The following KANSL1 variants were observed in gnomAD, a reference collection of about 807,000 sequenced individuals.
The protein encoded by KANSL1 is KAT8 regulatory NSL complex subunit 1, also known as MLL1/MLL complex subunit KANSL1.
A neutral mutation model predicts 103.6 loss-of-function variants in KANSL1; 22 were observed. That is an observed-to-expected ratio of 0.21 (90% confidence interval 0.15 to 0.30). The LOEUF (loss-of-function observed/expected upper bound fraction) is 0.30, where lower values mean the gene tolerates loss of function less well. Ranked by LOEUF, KANSL1 falls within the 10% of genes least tolerant of loss-of-function variation. The pLI, the probability that KANSL1 is intolerant of heterozygous loss-of-function variation, is 1.00. For synonymous variants in KANSL1, 600 were observed against 527.6 expected, an observed-to-expected ratio of 1.14 and a Z score of -1.88; for missense variants, 1,337 against 1,399.8, an observed-to-expected ratio of 0.96 and a Z score of 0.72.
chr17:46,080,976 C>T (rs191270949), intron 4 of KANSL1, among the ~76,000 whole-genome samples: 47 of 152,216 alleles, frequency 3.1e-4, no homozygotes, highest in Admixed American at 1.3e-3. Context: ...AATACACACA[C>T]AGGAATCTTA....
chr17:46,137,354 A>G (rs1462068933), intron 2 of KANSL1, among the ~76,000 whole-genome samples: 1 of 152,208 alleles, frequency 6.6e-6, no homozygotes, highest in Non-Finnish European at 1.5e-5. Flanking sequence ...AGCTATTACT[A>G]CTTTTAGAGT....
intron 2 of KANSL1, among the ~76,000 whole-genome samples, chr17:46,122,849 A>G (rs2043343670): frequency 6.6e-6 from 1 of 152,238 alleles, no homozygotes; most frequent in Admixed American, 6.5e-5. Flanking sequence ...GGAAAACTTA[A>G]CTGATAAAAA....
At chr17:46,087,318 G>GT (rs1421395398) in intron 3 of KANSL1, among the ~76,000 whole-genome samples, 3 of 152,156 alleles carry the variant, frequency 2.0e-5, no homozygotes, top group South Asian at 2.1e-4. Flanking sequence ...CCCAAGATAT[G>GT]TAAGTTCACT....
At chr17:46,175,299 C>T (rs2147781976) in intron 1 of KANSL1, among the ~76,000 whole-genome samples, 1 of 148,492 alleles carries the variant, frequency 6.7e-6, no homozygotes, top group African/African-American at 2.5e-5. Flanking sequence ...TGGGTCGAAT[C>T]TGTCTTATTG....
intron 6 of KANSL1, among the ~76,000 whole-genome samples, chr17:46,062,026 A>T (rs1357132260): frequency 1.5e-5 from 2 of 137,696 alleles, no homozygotes; most frequent in African/African-American, 2.6e-5. Context: ...CGGGAGGCGG[A>T]GGCTGCAGTG....
intron 1 of KANSL1, among the ~76,000 whole-genome samples, chr17:46,210,903 C>G (rs1308744528): frequency 1.3e-5 from 2 of 152,166 alleles, no homozygotes; most frequent in Non-Finnish European, 2.9e-5. Context: ...ACCAGACTTG[C>G]TCTAAGCAGT....
intron 7 of KANSL1, chr17:46,040,268 T>C: frequency 9.3e-6 from 2 of 215,424 alleles, no homozygotes; most frequent in South Asian, 2.0e-4. Context: ...GATGCAATTA[T>C]TCAACAATAT....
Position 46,030,249 on chromosome 17 carries a change from T to A in KANSL1, c.*1227A>T, listed in dbSNP as rs887963961. Reference sequence around the variant, plus strand: ...TATGGTGCATTATTGTATTTTTTTTTAAAGAAACAATGACAAACCCTTTAA... The same window carrying A: ...TATGGTGCATTATTGTATTTTTTTTAAAAGAAACAATGACAAACCCTTTAA... On this transcript the variant is annotated 3_prime_UTR_variant, in exon 15 of 15. Coordinates refer to ENST00000432791, the MANE Select transcript of KANSL1 (RefSeq NM_015443.4). 3.3e-5 allele frequency: 5 copies of A among 152,086 alleles called. No individual in the cohort carries two copies. Among genetic ancestry groups the A allele is most frequent in the Admixed American group, 2.6e-4 (4 of 15,246 alleles). 9.4% of individuals were successfully genotyped at this position (152,086 alleles called of 1,614,324 possible). A position where few individuals can be genotyped will look rare whatever the true frequency, so the allele number is the denominator to read the frequency against.
chr17:46,035,626 C>T (rs1244560999), intron 10 of KANSL1: 24 of 152,170 alleles, frequency 1.6e-4, no homozygotes, highest in Admixed American at 1.6e-3. Flanking sequence ...TTAGTGATCT[C>T]ATACCCAGAG....
At chr17:46,225,122 C>A (rs1353268228), upstream of KANSL1, among the ~76,000 whole-genome samples, 1 of 151,918 alleles carries the variant, frequency 6.6e-6, no homozygotes, top group African/African-American at 2.4e-5. Context: ...GTCCCCGTGC[C>A]CCACACACGC....
intron 1 of KANSL1, among the ~76,000 whole-genome samples, chr17:46,208,370 G>A (rs1286416331): frequency 1.3e-5 from 2 of 152,116 alleles, no homozygotes; most frequent in Non-Finnish European, 2.9e-5. Flanking sequence ...CCAGCACTTT[G>A]GAAGGTCAAG....
intron 6 of KANSL1, among the ~76,000 whole-genome samples, chr17:46,058,370 G>A (rs182773895): frequency 1.3e-5 from 2 of 152,148 alleles, no homozygotes; most frequent in Non-Finnish European, 2.9e-5. Context: ...TTTAGTTGTG[G>A]AGCTAGACTA....
intron 4 of KANSL1, among the ~76,000 whole-genome samples, chr17:46,074,406 T>C (rs1293866443): frequency 6.6e-6 from 1 of 152,112 alleles, no homozygotes; most frequent in Non-Finnish European, 1.5e-5. Context: ...CCTAACAGAA[T>C]TCCATTTAAT....
chr17:46,111,870 G>A (rs1397018443), intron 2 of KANSL1, among the ~76,000 whole-genome samples: 2 of 152,168 alleles, frequency 1.3e-5, no homozygotes, highest in South Asian at 2.1e-4. Context: ...CAGAAGAAAA[G>A]CAGAAACCAG....
chr17:46,110,639 G>A (rs1282922966), intron 2 of KANSL1, among the ~76,000 whole-genome samples: 3 of 152,206 alleles, frequency 2.0e-5, no homozygotes, highest in African/African-American at 7.2e-5. Context: ...ATGACCCTCT[G>A]AATTCACTAA....
intron 2 of KANSL1, among the ~76,000 whole-genome samples, chr17:46,138,829 C>A (rs1427928264): frequency 6.6e-6 from 1 of 152,218 alleles, no homozygotes; most frequent in Non-Finnish European, 1.5e-5. Context: ...TGTAACCCAT[C>A]AACATAGGTA....
chr17:46,058,753 T>A (rs1443225852), intron 6 of KANSL1, among the ~76,000 whole-genome samples: 886 of 33,246 alleles, frequency 0.027, 7 homozygotes, highest in African/African-American at 0.049. Context: ...ACTCTCTCTC[T>A]CTCTCTCTCT....
chr17:46,195,354 T>C (rs987694696), upstream of KANSL1, among the ~76,000 whole-genome samples: 2 of 152,262 alleles, frequency 1.3e-5, no homozygotes, highest in African/African-American at 4.8e-5. Flanking sequence ...AGCAAGATTA[T>C]ATGAAATATA....
chr17:46,148,608 T>C (rs554420596), intron 2 of KANSL1, among the ~76,000 whole-genome samples: 39 of 151,716 alleles, frequency 2.6e-4, no homozygotes, highest in African/African-American at 8.7e-4. Context: ...TTTTTTGAGA[T>C]GGGAGTCTCC....
Sources: gnomAD v4.1 joint callset for allele counts (sites outside exome capture counted in the v4.1 genomes callset) on GRCh38, gnomAD v4.1.1 for gene constraint, MANE v1.5 for transcripts, NCBI Gene and HGNC (gene_info 2026-07-23, HGNC 2026-07-21) for gene names.